The following PTPRG variants were observed in gnomAD, a reference collection of about 807,000 sequenced individuals.
The protein encoded by PTPRG is receptor-type tyrosine-protein phosphatase gamma.
In PTPRG, 102 loss-of-function variants were observed where a neutral mutation model predicts 165.3. That is an observed-to-expected ratio of 0.62 (90% CI 0.53 to 0.73). The LOEUF is 0.73. Ranked by LOEUF, PTPRG falls within the 30% of genes least tolerant of loss-of-function variation. PTPRG has a pLI of 0.00. For synonymous variants in PTPRG, 675 were observed against 669.5 expected (o/e 1.01, Z -0.13); for missense variants, 1,866 against 1,861.4 (o/e 1.00, Z -0.05).
At chr3:61,782,687 C>G (rs1315859988) in intron 2 of PTPRG, among the ~76,000 whole-genome samples, 1 of 152,192 alleles carries the variant, frequency 6.6e-6, no homozygotes, top group Non-Finnish European at 1.5e-5. Context: ...AATGTTTAAC[C>G]TAGTTGACCT....
chr3:61,841,631 G>A (rs2036636481), intron 2 of PTPRG, among the ~76,000 whole-genome samples: 1 of 151,848 alleles, frequency 6.6e-6, no homozygotes, highest in South Asian at 2.1e-4. Flanking sequence ...TCATGCTTAG[G>A]AAATGGCACC....
chr3:61,991,126 G>A (rs2040877613), intron 3 of PTPRG, among the ~76,000 whole-genome samples: 1 of 152,132 alleles, frequency 6.6e-6, no homozygotes, highest in African/African-American at 2.4e-5. Context: ...GTTATAGCAG[G>A]TGACCCTCTC....
rs193251699 is a variant in PTPRG at position 61,659,060 on chromosome 3, C to T, written c.86-89818C>T. Among the ~76,000 whole-genome samples, 14 of 149,176 alleles carry T rather than the reference C, an allele frequency of 9.4e-5. No homozygotes were observed. In the East Asian group the frequency reaches 2.2e-3, roughly 23 times the overall value. On this transcript the variant is annotated intron_variant, in intron 1 of 29. Coordinates refer to ENST00000474889, the MANE Select transcript of PTPRG (RefSeq NM_002841.4). Reference sequence around the variant, plus strand: ...TCTCCTGCCCCTGCCCCTGCCCCTGCCCCTGTTCCCCTTTTTGGACAGTGC... The same window carrying T: ...TCTCCTGCCCCTGCCCCTGCCCCTGTCCCTGTTCCCCTTTTTGGACAGTGC...
At chr3:61,745,556 G>A (rs975915108) in intron 1 of PTPRG, among the ~76,000 whole-genome samples, 8 of 152,176 alleles carry the variant, frequency 5.3e-5, no homozygotes, top group East Asian at 1.9e-4. Flanking sequence ...AATACTTTGC[G>A]TAGTGTGAGG....
chr3:61,858,440 G>A (rs764784184), intron 2 of PTPRG, among the ~76,000 whole-genome samples: 1 of 152,022 alleles, frequency 6.6e-6, no homozygotes, highest in African/African-American at 2.4e-5. Context: ...GCATAAATTT[G>A]CCATTTGCTT....
chr3:62,274,574 T>A (rs1239327642), intron 23 of PTPRG, among the ~76,000 whole-genome samples: 1 of 152,200 alleles, frequency 6.6e-6, no homozygotes, highest in Non-Finnish European at 1.5e-5. Flanking sequence ...AAATAGTTTC[T>A]CCCTTTGTAT....
At chr3:61,910,612 G>A (rs2038777441) in intron 2 of PTPRG, among the ~76,000 whole-genome samples, 1 of 152,252 alleles carries the variant, frequency 6.6e-6, no homozygotes, top group African/African-American at 2.4e-5. Flanking sequence ...TTAAGAAATT[G>A]AGAGTGAAGC....
At chr3:61,988,544 A>G (rs984616460) in intron 2 of PTPRG, among the ~76,000 whole-genome samples, 97 of 152,314 alleles carry the variant, frequency 6.4e-4, no homozygotes, top group African/African-American at 2.3e-3. Context: ...GTATGAGGCT[A>G]GGTATACAGG....
chr3:62,162,210 C>T (rs1459513059), intron 7 of PTPRG, among the ~76,000 whole-genome samples: 8 of 152,056 alleles, frequency 5.3e-5, no homozygotes, highest in Non-Finnish European at 8.8e-5. Flanking sequence ...AATTATTCTC[C>T]GTAATACTTT....
intron 3 of PTPRG, among the ~76,000 whole-genome samples, chr3:62,000,705 TTG>T (rs2041153642): frequency 6.6e-6 from 1 of 152,218 alleles, no homozygotes; most frequent in Admixed American, 6.5e-5. Context: ...ACACTTGTTA[TTG>T]TGTGAGAAAG....
chr3:62,107,393 A>G (rs1702510218), intron 5 of PTPRG, among the ~76,000 whole-genome samples: 2 of 152,254 alleles, frequency 1.3e-5, no homozygotes, highest in African/African-American at 4.8e-5. Flanking sequence ...ACAGCATGAT[A>G]GATGCACATG....
At position 62,295,840 on chromosome 3, in the gene PTPRG, T is replaced by C. The variant is rs1374784577; in HGVS notation, c.*2533T>C. On this transcript the variant is annotated 3_prime_UTR_variant, in exon 30 of 30. Coordinates refer to ENST00000474889, the MANE Select transcript of PTPRG (RefSeq NM_002841.4). ...TATCCTCACTATTATTATTCATGTG[T>C]TATTGGCAAAAACATAGCTTGCATC... 6.6e-6 allele frequency: 1 copy of C among 152,096 alleles called. No homozygotes were observed. Among genetic ancestry groups the C allele is most frequent in the Non-Finnish European group, 1.5e-5 (1 of 68,002 alleles). 9.4% of individuals were successfully genotyped at this position (152,096 alleles called of 1,614,324 possible).
intron 2 of PTPRG, among the ~76,000 whole-genome samples, chr3:61,791,315 G>A (rs1192406417): frequency 6.6e-6 from 1 of 152,190 alleles, no homozygotes; most frequent in Non-Finnish European, 1.5e-5. Context: ...CACAGAGTCT[G>A]GGAAATAAGT....
intron 4 of PTPRG, among the ~76,000 whole-genome samples, chr3:62,063,131 C>T (rs560045810): frequency 6.6e-6 from 1 of 152,334 alleles, no homozygotes; most frequent in Non-Finnish European, 1.5e-5. Flanking sequence ...TGATTTACCC[C>T]TGATCTTAGC....
chr3:62,027,314 C>T (rs373439904), intron 4 of PTPRG, among the ~76,000 whole-genome samples: 1 of 152,086 alleles, frequency 6.6e-6, no homozygotes, highest in African/African-American at 2.4e-5. Flanking sequence ...GCCGTGTCTC[C>T]AGAGTGGTGT....
chr3:62,182,848 G>A (rs1256909665), intron 8 of PTPRG, among the ~76,000 whole-genome samples: 1 of 152,088 alleles, frequency 6.6e-6, no homozygotes, highest in Non-Finnish European at 1.5e-5. Context: ...GTAGAGACGG[G>A]GTTTCACCAT....
chr3:61,898,970 G>A (rs1320933), intron 2 of PTPRG, among the ~76,000 whole-genome samples: 19,836 of 151,866 alleles, frequency 0.13, 2,457 homozygotes, highest in African/African-American at 0.33. Flanking sequence ...GTGCGGCGGC[G>A]CCATCATGGC....
chr3:61,753,021 C>A (rs1019708252), intron 2 of PTPRG, among the ~76,000 whole-genome samples: 1 of 151,944 alleles, frequency 6.6e-6, no homozygotes, highest in African/African-American at 2.4e-5. Flanking sequence ...TTTGTGAATA[C>A]CTGTAATTTT....
At chr3:62,250,066 C>T (rs1236370233) in intron 15 of PTPRG, among the ~76,000 whole-genome samples, 1 of 152,150 alleles carries the variant, frequency 6.6e-6, no homozygotes, top group Non-Finnish European at 1.5e-5. Context: ...TACTAAATGC[C>T]AGGCACTCTT....
Sources: allele counts gnomAD v4.1 joint callset (sites outside exome capture counted in the v4.1 genomes callset), GRCh38; gene constraint gnomAD v4.1.1; transcripts MANE v1.5; gene names NCBI Gene and HGNC (gene_info 2026-07-23, HGNC 2026-07-21).